The following GTF3C3 variants were observed in gnomAD, a reference collection of about 807,000 sequenced individuals.
GTF3C3 encodes the protein general transcription factor IIIC subunit 3.
A neutral mutation model predicts 105.2 loss-of-function variants in GTF3C3; 75 were observed. The ratio of observed to expected loss-of-function variants is 0.71; its 90% CI spans 0.59 to 0.86. The LOEUF is 0.86. GTF3C3 is among the 40% of genes least tolerant of loss of function. GTF3C3 has a pLI of 0.00. For synonymous variants in GTF3C3, 335 were observed against 370.4 expected, an observed-to-expected ratio of 0.90 and a Z score of 1.10; for missense variants, 856 against 1,076.5, an observed-to-expected ratio of 0.80 and a Z score of 2.87.
At chr2:196,772,098 C>T (rs777577661) in intron 14 of GTF3C3, among the ~76,000 whole-genome samples, 160 bp from the exon 15 acceptor site, 3 of 152,188 alleles carry the variant, frequency 2.0e-5, no homozygotes, top group East Asian at 1.9e-4. Flanking sequence ...AACTCTCCTA[C>T]GCAATAAAAG....
chr2:196,793,476 C>T (rs907703183), intron 2 of GTF3C3, among the ~76,000 whole-genome samples: 1 of 152,088 alleles, frequency 6.6e-6, no homozygotes, highest in Non-Finnish European at 1.5e-5. Flanking sequence ...ACTAAACAAG[C>T]CTAGCAGTAC....
In GTF3C3 at chr2:196,786,325, T is replaced by A. The variant is rs952727811; in HGVS notation, c.894-737A>T. Among the ~76,000 whole-genome samples the A allele has an allele frequency of 1.3e-5, 2 of 152,158 alleles. No individual in the cohort carries two copies. The highest frequency in any genetic ancestry group is 4.8e-5 in the African/African-American group (2 of 41,434). ...CAAATACTGCCAGTCTGTGGGGCAG[T>A]AATGTCCTAGACAACTATTGACATC... On this transcript the variant is annotated intron_variant, in intron 6 of 17. Coordinates refer to ENST00000263956, the MANE Select transcript of GTF3C3 (RefSeq NM_012086.5). The surrounding 1 kb of genome is among the most constrained non-coding windows in gnomAD (Gnocchi z 4.2).
chr2:196,782,805 G>C (rs1186920762), intron 8 of GTF3C3, among the ~76,000 whole-genome samples: 1 of 152,166 alleles, frequency 6.6e-6, no homozygotes, highest in Non-Finnish European at 1.5e-5. Flanking sequence ...TGGAGATTGA[G>C]AGTAAGTATT....
In GTF3C3 at chr2:196,769,990, G is replaced by A; in HGVS notation, c.2310C>T (p.Ser770=). The part of the protein sequence containing the change: ...FRTHPDEPLY[S]FCIGLTFIHM... ...GAATAAAGGTTAGGCCTATACAGAAGCTATAGAGAGGTTCGTCAGGGTGAG... is the reference window on the plus strand; with the variant it reads ...GAATAAAGGTTAGGCCTATACAGAAACTATAGAGAGGTTCGTCAGGGTGAG... The change falls in exon 16 of 18, where the codon AGC becomes AGT. Residue 770 remains serine, a synonymous_variant. Transcript: ENST00000263956. 6.3e-7 allele frequency: 1 copy of A among 1,585,486 alleles called. No homozygotes were observed. Among genetic ancestry groups the A allele is most frequent in the South Asian group, 1.2e-5 (1 of 86,492 alleles).
intron 8 of GTF3C3, among the ~76,000 whole-genome samples, chr2:196,781,357 A>AAAAAAAAAAAAAAAATAT: frequency 2.7e-4 from 5 of 18,818 alleles, no homozygotes; most frequent in African/African-American, 5.2e-4. Flanking sequence ...AAAAAAAAAA[A>AAAAAAAAAAAAAAAATAT]ATATATATAT....
At chr2:196,785,905 T>A (rs1200015165) in intron 6 of GTF3C3, among the ~76,000 whole-genome samples, 2 of 152,142 alleles carry the variant, frequency 1.3e-5, no homozygotes, top group African/African-American at 4.8e-5. Flanking sequence ...TTTTCACTAT[T>A]GCCTACACCC....
chr2:196,793,107 G>A lies in GTF3C3; in HGVS notation c.260C>T (p.Ala87Val). Residue 87 changes from alanine (A) to valine (V), a missense_variant, in exon 3 of 18, where the codon GCT (alanine) becomes GTT (valine). Physicochemically the swap from Ala to Val is moderately conservative, Grantham distance 64. Transcript: ENST00000263956. Reference sequence around the variant, plus strand: ...ATCTTCATTCTCTCCAAGCATGGAAGCAAAGACCTTGTGAACTGACTTCCT... The same window carrying A: ...ATCTTCATTCTCTCCAAGCATGGAAACAAAGACCTTGTGAACTGACTTCCT... ...GVRKSVHKVF[A>V]SMLGENEDDE... 1 of 1,613,616 alleles carries A rather than the reference G, an allele frequency of 6.2e-7. No homozygotes were observed. Among genetic ancestry groups the A allele is most frequent in the Non-Finnish European group, 8.5e-7 (1 of 1,179,722 alleles).
rs1356150645 is a variant in GTF3C3 at position 196,773,051 on chromosome 2, G to A, written c.1934C>T (p.Ala645Val). Residue 645 changes from alanine (A) to valine (V), a missense_variant, in exon 14 of 18, where the codon GCT becomes GTT. Coordinates refer to ENST00000263956, the MANE Select transcript of GTF3C3 (RefSeq NM_012086.5). The stretch of plus-strand genomic sequence containing the variant: ...CAATGAGGAATCTACAAGCAACTCA[G>A]CCTCTTGAAATCGGGATAGGTCACA... The part of the protein sequence containing the change: ...SLCDLSRFQE[A>V]ELLVDSSLEY... 1.2e-6 allele frequency: 2 copies of A among 1,612,212 alleles called. No homozygotes were observed. The highest frequency in any genetic ancestry group is 1.7e-5 in the Admixed American group (1 of 60,002).
At chr2:196,797,036 G>A (rs1699658997) in intron 2 of GTF3C3, among the ~76,000 whole-genome samples, 1 of 152,088 alleles carries the variant, frequency 6.6e-6, no homozygotes, top group Non-Finnish European at 1.5e-5. Flanking sequence ...TTGTTTTGAG[G>A]GAAAAGAACC....
At chr2:196,780,177 A>G in intron 9 of GTF3C3, 2 of 636,246 alleles carry the variant, frequency 3.1e-6, no homozygotes, top group Non-Finnish European at 3.9e-6. Context: ...ATTTTACTCA[A>G]TATCTTATCC....
rs1430099217 is a variant in GTF3C3, at chr2:196,775,248, C to G, written c.1699G>C (p.Ala567Pro). 5.0e-6 allele frequency: 8 copies of G among 1,596,964 alleles called. No individual in the cohort carries two copies. Among genetic ancestry groups the G allele is most frequent in the Non-Finnish European group, 6.8e-6 (8 of 1,174,170 alleles). Residue 567 changes from alanine to proline, a missense_variant, in exon 13 of 18, where the codon GCA becomes CCA. Physicochemically the swap from Ala to Pro is conservative, Grantham distance 27. Transcript: ENST00000263956. Reference sequence around the variant, plus strand: ...AAACAAACTTGGGCTCGATTCATTGCTACCTGAATTAAAGATGAAGATTTC... The same window carrying G: ...AAACAAACTTGGGCTCGATTCATTGGTACCTGAATTAAAGATGAAGATTTC... The part of the protein sequence containing the change: ...LTMLAMLLKV[A>P]MNRAQVCLIS...
At position 196,772,828 on chromosome 2, in the gene GTF3C3, A is replaced by G; in HGVS notation, c.2069+88T>C. On this transcript the variant is annotated intron_variant, in intron 14 of 17. Transcript: ENST00000263956. Reference sequence around the variant, plus strand: ...ATTAACCAGTTTATTGTTTAATGGGAGAGCCAAAAGTAAAGTAGCTTCTAA... The same window carrying G: ...ATTAACCAGTTTATTGTTTAATGGGGGAGCCAAAAGTAAAGTAGCTTCTAA... 4.3e-6 allele frequency: 3 copies of G among 691,130 alleles called. No homozygotes were observed. The South Asian group carries it at 6.3e-5, about 14-fold the overall frequency. The allele number at this position is 691,130 out of a possible 1,614,324, so 42.8% of individuals were successfully genotyped here.
chr2:196,798,317 G>A (rs1331948124), intron 1 of GTF3C3, among the ~76,000 whole-genome samples: 1 of 152,086 alleles, frequency 6.6e-6, no homozygotes. Flanking sequence ...TTGAGCTCAG[G>A]AGTTTGAGAC....
intron 8 of GTF3C3, among the ~76,000 whole-genome samples, chr2:196,782,108 A>T (rs1336432689): frequency 6.6e-6 from 1 of 152,222 alleles, no homozygotes; most frequent in Non-Finnish European, 1.5e-5. Context: ...CCTAATGCCC[A>T]AGGTTATTAA....
chr2:196,785,394 CA>C, intron 7 of GTF3C3, 46 bp downstream of exon 7: 1 of 1,494,726 alleles, frequency 6.7e-7, no homozygotes, highest in Non-Finnish European at 9.0e-7. Flanking sequence ...TTCCAGAACA[CA>C]GAAACACATG....
intron 8 of GTF3C3, among the ~76,000 whole-genome samples, chr2:196,781,614 G>A (rs887860534): frequency 1.3e-5 from 2 of 151,554 alleles, no homozygotes; most frequent in African/African-American, 4.9e-5. Flanking sequence ...GGTATGAGGG[G>A]TGTCCTGGAG....
chr2:196,793,179 G>T (rs760118657), intron 2 of GTF3C3, 27 bp from the exon 3 acceptor site: 2 of 1,490,384 alleles, frequency 1.3e-6, no homozygotes, highest in South Asian at 1.2e-5. Context: ...TGATGGGGGA[G>T]GGGTGGGGAA....
At chr2:196,773,615 C>T (rs1576020169) in intron 13 of GTF3C3, 2 of 407,272 alleles carry the variant, frequency 4.9e-6, no homozygotes, top group Non-Finnish European at 1.0e-5. Context: ...TTATTGTGCA[C>T]TTTATTTCCA....
At chr2:196,783,270 G>A (rs971168937) in intron 8 of GTF3C3, among the ~76,000 whole-genome samples, 1 of 150,492 alleles carries the variant, frequency 6.6e-6, no homozygotes, top group Non-Finnish European at 1.5e-5. Flanking sequence ...AAGGGAAGGA[G>A]GGAAGGAGGG....
Sources: allele counts gnomAD v4.1 joint callset (sites outside exome capture counted in the v4.1 genomes callset), GRCh38; gene constraint gnomAD v4.1.1; non-coding constraint Gnocchi (gnomAD v3.1); transcripts MANE v1.5; gene names NCBI Gene and HGNC (gene_info 2026-07-23, HGNC 2026-07-21).